SPAG4: variants seen among roughly 807,000 people sequenced by gnomAD.
SPAG4 encodes sperm associated antigen 4, also known as sperm-associated antigen 4 protein.
Under a neutral mutation model 53.9 loss-of-function variants are expected in SPAG4, and 54 were observed. That is an observed-to-expected ratio of 1.00 (90% confidence interval 0.80 to 1.26). The LOEUF (loss-of-function observed/expected upper bound fraction) is 1.26, where lower values mean the gene tolerates loss of function less well. Ranked by LOEUF, SPAG4 falls within the 50% of genes most tolerant of loss-of-function variation. The pLI, the probability that SPAG4 is intolerant of heterozygous loss-of-function variation, is 0.00. For missense variants in SPAG4, 548 were observed against 568.6 expected (o/e 0.96, Z 0.37); for synonymous variants, 246 against 237.4 (o/e 1.04, Z -0.33).
chr20:35,618,087 C>G lies in SPAG4; in HGVS notation c.539C>G (p.Ala180Gly). 6.2e-7 allele frequency: 1 copy of G among 1,613,610 alleles called. No homozygotes were observed. Among genetic ancestry groups the G allele is most frequent in the Non-Finnish European group, 8.5e-7 (1 of 1,179,748 alleles). ...AVSLLSLFLS[A>G]FWLGLLYLVS... ...GAGACCCCTCCCTCTCTTTCTCCAG[C>G]ATTCTGGCTGGGGCTTCTGTACCTG... The change falls in exon 5 of 12, where the codon GCA becomes GGA. Residue 180 changes from alanine (A) to glycine (G), a missense_variant and splice_region_variant. By Grantham distance (60) the Ala-to-Gly change is moderately conservative. Transcript: ENST00000374273.
chr20:35,620,852 G>A (rs762296224), intron 11 of SPAG4, 24 bp from the exon 12 acceptor site: 6 of 1,613,456 alleles, frequency 3.7e-6, no homozygotes, highest in Non-Finnish European at 3.4e-6. Flanking sequence ...GGCAGCCCTT[G>A]GCATGATCCA....
At chr20:35,619,515 G>A in intron 9 of SPAG4, 64 bp from the exon 10 acceptor site, 1 of 1,583,858 alleles carries the variant, frequency 6.3e-7, no homozygotes. Flanking sequence ...GCTGAGGCCC[G>A]GGCTGGGGAG....
intron 1 of SPAG4, 48 bp from the exon 2 acceptor site, chr20:35,617,088 T>C (rs763643631): frequency 1.6e-6 from 2 of 1,264,766 alleles, no homozygotes; most frequent in South Asian, 1.3e-5. Flanking sequence ...GAGGGGAAAA[T>C]AGGTCTGTGG....
At chr20:35,620,568 G>T (rs2031539910) in intron 10 of SPAG4, 116 bp from the exon 11 acceptor site, 2 of 699,874 alleles carry the variant, frequency 2.9e-6, no homozygotes, top group Non-Finnish European at 5.1e-6. Context: ...AAATACATGA[G>T]AACATGCATA....
chr20:35,619,546 G>A (rs752729873), intron 9 of SPAG4, 33 bp from the exon 10 acceptor site: 2 of 1,603,160 alleles, frequency 1.2e-6, no homozygotes, highest in Non-Finnish European at 1.7e-6. Context: ...CGCTCTGTCC[G>A]ACGGTTCCGA....
chr20:35,618,389 G>T, intron 5 of SPAG4, 61 bp from the exon 6 acceptor site: 1 of 1,607,678 alleles, frequency 6.2e-7, no homozygotes, highest in Non-Finnish European at 8.5e-7. Flanking sequence ...TTTCCAGGCT[G>T]AGGTAGGAGC....
chr20:35,617,625 T>G, intron 3 of SPAG4, 39 bp downstream of exon 3: 1 of 1,604,856 alleles, frequency 6.2e-7, no homozygotes, highest in Non-Finnish European at 8.5e-7. Context: ...GAACAGCTCT[T>G]TGGAGGGGGT....
chr20:35,618,802 C>T, intron 7 of SPAG4, 82 bp downstream of exon 7: 2 of 1,425,492 alleles, frequency 1.4e-6, no homozygotes, highest in Non-Finnish European at 1.9e-6. Flanking sequence ...CAGAGCCCTG[C>T]GGGATTTCTC....
intron 9 of SPAG4, 55 bp from the exon 10 acceptor site, chr20:35,619,524 A>T: frequency 1.3e-6 from 2 of 1,587,812 alleles, no homozygotes; most frequent in Non-Finnish European, 1.7e-6. Flanking sequence ...CGGGCTGGGG[A>T]GCGGCAGCAG....
chr20:35,620,280 A>AT (rs531795059), intron 10 of SPAG4, among the ~76,000 whole-genome samples: 1 of 152,170 alleles, frequency 6.6e-6, no homozygotes, highest in Non-Finnish European at 1.5e-5. Flanking sequence ...TTGCACCCAC[A>AT]TAACAACCTA....
chr20:35,617,719 C>G, intron 3 of SPAG4, 60 bp from the exon 4 acceptor site: 1 of 1,582,132 alleles, frequency 6.3e-7, no homozygotes, highest in Non-Finnish European at 8.7e-7. Context: ...GTCTAGGACC[C>G]TGGGGTGGGG....
At position 35,621,084 on chromosome 20, in the gene SPAG4, G is replaced by A; in HGVS notation, c.*62G>A. On this transcript the variant is annotated 3_prime_UTR_variant, in exon 12 of 12. Transcript: ENST00000374273. ...AAGGATACTGGATCAGTGCTTTCGG[G>A]GGCTCTGTTGGGAGAGCTCTGGCTG... is the stretch of plus-strand genomic sequence containing the variant. The A allele has an allele frequency of 3.8e-6, 6 of 1,568,168 alleles. No homozygotes were observed. Among genetic ancestry groups the A allele is most frequent in the Non-Finnish European group, 5.2e-6 (6 of 1,143,174 alleles).
rs773785427 is a variant in SPAG4 at position 35,618,915 on chromosome 20, C to T, written c.718-8C>T. The T allele has an allele frequency of 6.2e-7, 1 of 1,613,884 alleles. No homozygotes were observed. The highest frequency in any genetic ancestry group is 1.1e-5 in the South Asian group (1 of 91,078). ...CGCCCCTCCAGGCCTCGCCCTCCCTCCTTGCAGAGAGTGGCCAAGCTCGTG... is the reference window on the plus strand; with the variant it reads ...CGCCCCTCCAGGCCTCGCCCTCCCTTCTTGCAGAGAGTGGCCAAGCTCGTG... On this transcript the variant is annotated splice_region_variant and splice_polypyrimidine_tract_variant and intron_variant, in intron 7 of 11. Transcript: ENST00000374273.
Position 35,619,302 on chromosome 20 carries a change from A to G in SPAG4, c.901A>G (p.Ile301Val). 1.2e-6 allele frequency: 2 copies of G among 1,613,534 alleles called. No homozygotes were observed. The highest frequency in any genetic ancestry group is 1.7e-5 in the Admixed American group (1 of 60,020). The stretch of plus-strand genomic sequence containing the variant: ...GAACTACGCACGGCCGCCCACGGTT[A>G]TCCTGGAGGTGAGTCTGGAAACATC... The part of the protein sequence containing the change: ...FWNYARPPTV[I>V]LEPHVFPGNC... The change falls in exon 9 of 12, where the codon ATC (isoleucine) becomes GTC (valine). Residue 301 changes from isoleucine to valine, a missense_variant. Physicochemically the swap from Ile to Val is conservative, Grantham distance 29. Transcript: ENST00000374273.
intron 6 of SPAG4, 25 bp downstream of exon 6, chr20:35,618,500 A>G (rs779509023): frequency 2.5e-6 from 4 of 1,613,526 alleles, no homozygotes; most frequent in East Asian, 2.2e-5. Context: ...CTAGGGTGGG[A>G]AATTGGGGGG....
In SPAG4 at chr20:35,617,572, G is replaced by T; in HGVS notation, c.462G>T (p.Leu154=). Residue 154 remains leucine, a synonymous_variant, in exon 3 of 12, where the codon CTG becomes CTT. Coordinates refer to ENST00000374273, the MANE Select transcript of SPAG4 (RefSeq NM_003116.3). ...SVLLSLAGDV[L]VSMYREVCSI... is the part of the protein sequence containing the mutation. ...TGTTATCCCTGGCAGGAGACGTGCT[G>T]GTCAGCATGTACAGGTCAGAGGAAG... 6.2e-7 allele frequency: 1 copy of T among 1,606,888 alleles called. No individual in the cohort carries two copies. The highest frequency in any genetic ancestry group is 8.5e-7 in the Non-Finnish European group (1 of 1,176,466).
intron 4 of SPAG4, 105 bp from the exon 5 acceptor site, chr20:35,617,982 C>A: frequency 7.3e-7 from 1 of 1,373,408 alleles, no homozygotes; most frequent in South Asian, 1.2e-5. Flanking sequence ...CTCCCACGGT[C>A]CTCCCCAGGC....
chr20:35,617,566 C>T lies in SPAG4; in HGVS notation c.456C>T (p.Asp152=). Residue 152 remains aspartate (D), a synonymous_variant, in exon 3 of 12, where the codon GAC becomes GAT. Transcript: ENST00000374273. ...GCGTGTTGTTATCCCTGGCAGGAGA[C>T]GTGCTGGTCAGCATGTACAGGTCAG... ...GLSVLLSLAG[D]VLVSMYREVC... is the part of the protein sequence containing the mutation. 2 of 1,606,044 alleles carry T rather than the reference C, an allele frequency of 1.2e-6. No homozygotes were observed. Among genetic ancestry groups the T allele is most frequent in the African/African-American group, 1.3e-5 (1 of 74,996 alleles).
intron 10 of SPAG4, 110 bp from the exon 11 acceptor site, chr20:35,620,574 G>T (rs1024764660): frequency 2.1e-5 from 15 of 728,096 alleles, no homozygotes; most frequent in Non-Finnish European, 2.9e-5. Context: ...ATGAGAACAT[G>T]CATATAGCTA....
Sources: allele counts gnomAD v4.1 joint callset (sites outside exome capture counted in the v4.1 genomes callset), GRCh38; gene constraint gnomAD v4.1.1; transcripts MANE v1.5; gene names NCBI Gene and HGNC (gene_info 2026-07-23, HGNC 2026-07-21).